The following RGS6 variants were observed in gnomAD, a reference collection of about 807,000 sequenced individuals.
The protein encoded by RGS6 is regulator of G protein signaling 6.
In RGS6, 30 loss-of-function variants were observed where a neutral mutation model predicts 78.5. The ratio of observed to expected loss-of-function variants is 0.38; its 90% CI spans 0.29 to 0.52. The LOEUF is 0.52. Among genes scored for constraint, RGS6 ranks in the 20% least tolerant of loss-of-function variants. The probability of loss-of-function intolerance (pLI) is 0.85; values close to 1 mark genes in which losing one functional copy is unlikely to be tolerated. For missense variants in RGS6, 495 were observed against 609.7 expected (o/e 0.81, Z 1.98); for synonymous variants, 206 against 206.0 (o/e 1.00, Z 0.00).
chr14:72,399,555 G>A (rs1465517533), intron 3 of RGS6, among the ~76,000 whole-genome samples: 1 of 152,148 alleles, frequency 6.6e-6, no homozygotes, highest in South Asian at 2.1e-4. Context: ...TGTTATGTGT[G>A]AATTTGATCC....
chr14:71,962,849 C>A (rs954978500), intron 1 of RGS6, among the ~76,000 whole-genome samples: 2 of 152,110 alleles, frequency 1.3e-5, no homozygotes, highest in Admixed American at 1.3e-4. Context: ...TATGGAATGA[C>A]CTTTGGTAGC....
chr14:71,940,894 A>G (rs1429801870), intron 1 of RGS6, among the ~76,000 whole-genome samples: 1 of 152,176 alleles, frequency 6.6e-6, no homozygotes, highest in East Asian at 1.9e-4. Flanking sequence ...CAATCTCCCT[A>G]AGCCTTTGGA....
chr14:72,443,778 C>T (rs948575908), intron 3 of RGS6, among the ~76,000 whole-genome samples: 2 of 152,180 alleles, frequency 1.3e-5, no homozygotes, highest in Non-Finnish European at 2.9e-5. Context: ...CTGGTGGGTG[C>T]TACTGGGCAC....
rs565305228 is a variant in RGS6 at position 72,487,461 on chromosome 14, G to A, written c.855-7691G>A. ...CATGGCAAGGAGAATTCAGGTTGCA[G>A]GTGGACTTAAGGTTGCTAATCAGTT... On this transcript the variant is annotated intron_variant, in intron 12 of 17. Transcript: ENST00000553525. 2.6e-4 allele frequency among the ~76,000 whole-genome samples: 40 copies of A among 152,344 alleles called. No individual in the cohort carries two copies. In the South Asian group the frequency reaches 8.3e-3, roughly 32 times the overall value.
chr14:71,946,848 G>A (rs757819233), intron 1 of RGS6, among the ~76,000 whole-genome samples: 4 of 152,188 alleles, frequency 2.6e-5, no homozygotes, highest in African/African-American at 7.2e-5. Context: ...GGAGGAGTCC[G>A]TGTTGATGAA....
At chr14:72,171,829 A>G (rs946324669) in intron 2 of RGS6, among the ~76,000 whole-genome samples, 1 of 152,200 alleles carries the variant, frequency 6.6e-6, no homozygotes, top group Admixed American at 6.5e-5. Context: ...TAACCCTTAC[A>G]ACAACCCTAT....
Position 72,506,984 on chromosome 14 carries a change from TAAAAAAAAAAA to T in RGS6, c.966-3145_966-3135del, listed in dbSNP as rs71109738. 5.9e-4 allele frequency among the ~76,000 whole-genome samples: 32 copies of T among 54,394 alleles called. No individual in the cohort carries two copies. In the South Asian group the frequency reaches 0.01, roughly 17 times the overall value. 35.7% of individuals were successfully genotyped at this position (54,394 alleles called of 152,430 possible). A position where few individuals can be genotyped will look rare whatever the true frequency, so the allele number is the denominator to read the frequency against. On this transcript the variant is annotated intron_variant, in intron 13 of 17. Coordinates refer to ENST00000553525, the MANE Select transcript of RGS6 (RefSeq NM_001204424.2). ...TAACACGGTGAAACCCTGTCTCTAC[TAAAAAAAAAAA>T]AAAAAAAAAAAAAAAAAAAAAAAAT...
chr14:72,614,840 C>T, the RGS6 span, among the ~76,000 whole-genome samples: 2 of 151,308 alleles, frequency 1.3e-5, no homozygotes, highest in African/African-American at 4.9e-5. Context: ...CTCCTTAGCT[C>T]GAGGATTTCT....
intron 2 of RGS6, among the ~76,000 whole-genome samples, chr14:72,059,394 T>A (rs1414777323): frequency 6.6e-6 from 1 of 152,232 alleles, no homozygotes; most frequent in Non-Finnish European, 1.5e-5. Flanking sequence ...TGGAGTCTAA[T>A]GATAACTTGT....
chr14:71,901,666 A>G, the RGS6 span, among the ~76,000 whole-genome samples: 1 of 152,142 alleles, frequency 6.6e-6, no homozygotes, highest in Admixed American at 6.5e-5. Context: ...GACTCCTTCA[A>G]AGCTGTTTCC....
intron 2 of RGS6, among the ~76,000 whole-genome samples, chr14:72,192,051 A>G (rs887197545): frequency 3.3e-5 from 5 of 152,196 alleles, no homozygotes; most frequent in African/African-American, 1.2e-4. Context: ...ATTAACACCA[A>G]ACTCCTCCAG....
chr14:72,584,699 G>A, the RGS6 span, among the ~76,000 whole-genome samples: 4 of 152,206 alleles, frequency 2.6e-5, no homozygotes, highest in Non-Finnish European at 5.9e-5. Context: ...CTGCAGCTGA[G>A]AGAGACTGGG....
chr14:72,152,276 G>A (rs1010981072), intron 2 of RGS6, among the ~76,000 whole-genome samples: 4 of 151,248 alleles, frequency 2.6e-5, no homozygotes, highest in Admixed American at 6.6e-5. Context: ...GTGTGTGTGC[G>A]CATGCAGCCT....
intron 2 of RGS6, among the ~76,000 whole-genome samples, chr14:72,109,899 A>G (rs557883438): frequency 6.6e-6 from 1 of 152,324 alleles, no homozygotes; most frequent in East Asian, 1.9e-4. Context: ...TACTTTGAGA[A>G]TTAGACCACA....
At chr14:72,254,839 T>C (rs1157862581) in intron 2 of RGS6, among the ~76,000 whole-genome samples, 1 of 152,182 alleles carries the variant, frequency 6.6e-6, no homozygotes, top group South Asian at 2.1e-4. Flanking sequence ...ATTAGCACCA[T>C]AGCAGTGGCT....
At chr14:71,994,691 C>T (rs1391135059) in intron 2 of RGS6, among the ~76,000 whole-genome samples, 2 of 134,032 alleles carry the variant, frequency 1.5e-5, no homozygotes, top group Non-Finnish European at 3.3e-5. Context: ...TGGGCTTGCA[C>T]CCACCGAGAA....
At chr14:72,322,506 A>G (rs2072367614) in intron 2 of RGS6, among the ~76,000 whole-genome samples, 1 of 152,084 alleles carries the variant, frequency 6.6e-6, no homozygotes, top group African/African-American at 2.4e-5. Flanking sequence ...TAGGTCCAAT[A>G]TTATTTAAAC....
At chr14:71,960,768 CGCTTCTGGG>C (rs2093131574) in intron 1 of RGS6, among the ~76,000 whole-genome samples, 1 of 152,210 alleles carries the variant, frequency 6.6e-6, no homozygotes, top group Non-Finnish European at 1.5e-5. Flanking sequence ...AAAGCTGAGC[CGCTTCTGGG>C]GCTTCAGATT....
At chr14:72,568,994 C>T (rs948805363), downstream of RGS6, among the ~76,000 whole-genome samples, 3 of 152,126 alleles carry the variant, frequency 2.0e-5, no homozygotes, top group African/African-American at 7.2e-5. Context: ...AGGGAGCGGA[C>T]GTTTAAAAAA....
Sources: gnomAD v4.1 joint callset for allele counts (sites outside exome capture counted in the v4.1 genomes callset) on GRCh38, gnomAD v4.1.1 for gene constraint, MANE v1.5 for transcripts, NCBI Gene and HGNC (gene_info 2026-07-23, HGNC 2026-07-21) for gene names.